The following PRIMA1 variants were observed in gnomAD, a reference collection of about 807,000 sequenced individuals.
The protein encoded by PRIMA1 is proline rich membrane anchor 1, also known as proline-rich membrane anchor 1.
In PRIMA1, 7 loss-of-function variants were observed where a neutral mutation model predicts 17.5. That is an observed-to-expected ratio of 0.40 (90% CI 0.23 to 0.75). The LOEUF is 0.75. Among genes scored for constraint, PRIMA1 ranks in the 30% least tolerant of loss-of-function variants. The pLI is 0.37. For synonymous variants in PRIMA1, 97 were observed against 77.9 expected, an observed-to-expected ratio of 1.25 and a Z score of -1.29; for missense variants, 200 against 201.8, an observed-to-expected ratio of 0.99 and a Z score of 0.05.
chr14:93,736,359 G>C (rs1279254096), intron 4 of PRIMA1, among the ~76,000 whole-genome samples: 1 of 152,250 alleles, frequency 6.6e-6, no homozygotes, highest in Non-Finnish European at 1.5e-5. Flanking sequence ...GGAAAATGTA[G>C]GTGGAGATGA....
At chr14:93,769,979 C>T (rs563358343) in intron 3 of PRIMA1, among the ~76,000 whole-genome samples, 1 of 152,122 alleles carries the variant, frequency 6.6e-6, no homozygotes, top group Non-Finnish European at 1.5e-5. Flanking sequence ...GGAGAGGGGG[C>T]GCCAAGTGAC....
chr14:93,737,794 G>A (rs969973694), intron 3 of PRIMA1, among the ~76,000 whole-genome samples: 7 of 152,204 alleles, frequency 4.6e-5, no homozygotes, highest in East Asian at 1.9e-4. Flanking sequence ...CTGCCCCGGC[G>A]TGCTCAGAGC....
At chr14:93,747,923 G>A (rs1384858777) in intron 3 of PRIMA1, among the ~76,000 whole-genome samples, 10 of 147,650 alleles carry the variant, frequency 6.8e-5, no homozygotes, top group Non-Finnish European at 7.5e-5. Context: ...GGACTGTGTG[G>A]AGTGTGATTA....
At chr14:93,774,925 C>A (rs558392163) in intron 3 of PRIMA1, among the ~76,000 whole-genome samples, 1 of 152,238 alleles carries the variant, frequency 6.6e-6, no homozygotes. Context: ...GGTTAACCGG[C>A]TCTCTTAAAA....
intron 3 of PRIMA1, among the ~76,000 whole-genome samples, chr14:93,769,454 G>A (rs1196044031): frequency 1.3e-5 from 2 of 152,160 alleles, no homozygotes; most frequent in African/African-American, 4.8e-5. Context: ...TCAACACCCC[G>A]AGGCCGGAAT....
intron 4 of PRIMA1, among the ~76,000 whole-genome samples, chr14:93,722,964 A>G (rs549982636): frequency 6.6e-6 from 1 of 152,162 alleles, no homozygotes; most frequent in South Asian, 2.1e-4. Context: ...TCCTACGCAT[A>G]TAAGGGATCA....
intron 3 of PRIMA1, among the ~76,000 whole-genome samples, chr14:93,774,958 C>T (rs953138412): frequency 1.3e-5 from 2 of 152,222 alleles, no homozygotes; most frequent in Non-Finnish European, 2.9e-5. Context: ...AAGAGCAGGG[C>T]TAGCACGCCA....
chr14:93,746,517 C>T (rs2076219278), intron 3 of PRIMA1, among the ~76,000 whole-genome samples: 1 of 151,836 alleles, frequency 6.6e-6, no homozygotes, highest in Admixed American at 6.6e-5. Flanking sequence ...GCCAGTGTGG[C>T]CTAGAGGGAG....
intron 3 of PRIMA1, among the ~76,000 whole-genome samples, chr14:93,754,442 G>A (rs189161858): frequency 6.6e-6 from 1 of 150,940 alleles, no homozygotes; most frequent in Admixed American, 6.6e-5. Flanking sequence ...ATGGTGGGGG[G>A]GGCCTTGACC....
At chr14:93,743,541 A>AC (rs1010546700) in intron 3 of PRIMA1, among the ~76,000 whole-genome samples, 1 of 151,776 alleles carries the variant, frequency 6.6e-6, no homozygotes, top group East Asian at 1.9e-4. Context: ...CTTGTCTAGG[A>AC]CCCCCCTGTG....
intron 3 of PRIMA1, among the ~76,000 whole-genome samples, chr14:93,748,114 GTGAA>G (rs1327570869): frequency 2.6e-5 from 4 of 152,070 alleles, no homozygotes. Flanking sequence ...GTGTATGTGT[GTGAA>G]TGAGTGTGCA....
intron 3 of PRIMA1, among the ~76,000 whole-genome samples, chr14:93,769,450 C>A (rs1884988517): frequency 6.6e-6 from 1 of 152,206 alleles, no homozygotes; most frequent in South Asian, 2.1e-4. Context: ...GCATTCAACA[C>A]CCCGAGGCCG....
Position 93,726,397 on chromosome 14 carries a change from C to T in PRIMA1, c.360-4851G>A, listed in dbSNP as rs907052508. Among the ~76,000 whole-genome samples the T allele has an allele frequency of 6.6e-6, 1 of 152,102 alleles. No homozygotes were observed. The highest frequency in any genetic ancestry group is 1.5e-5 in the Non-Finnish European group (1 of 68,018). ...GGAGGCTGTCTTCCTGCCTCATGCG[C>T]CCCTGGGAGAAGTGAAAGTTAAAGG... On this transcript the variant is annotated intron_variant, in intron 4 of 4. Transcript: ENST00000393140. The surrounding 1 kb of genome is among the most constrained non-coding windows in gnomAD (Gnocchi z 4.2).
At chr14:93,770,537 C>T (rs771816665) in intron 3 of PRIMA1, among the ~76,000 whole-genome samples, 5 of 152,208 alleles carry the variant, frequency 3.3e-5, no homozygotes, top group Non-Finnish European at 7.3e-5. Flanking sequence ...GATCTTCCTC[C>T]ACCAGCTATT....
intron 3 of PRIMA1, among the ~76,000 whole-genome samples, chr14:93,738,742 T>G (rs2076166602): frequency 6.6e-6 from 1 of 152,202 alleles, no homozygotes; most frequent in Admixed American, 6.5e-5. Context: ...GACAAATGCA[T>G]GCACCAGTGG....
At chr14:93,788,236 C>G (rs562289526) in intron 1 of PRIMA1, among the ~76,000 whole-genome samples, 174 bp downstream of exon 1, 6 of 152,328 alleles carry the variant, frequency 3.9e-5, no homozygotes, top group African/African-American at 1.4e-4. Flanking sequence ...CCCAAGAAAT[C>G]TCACGCTGCC....
chr14:93,778,518 G>A (rs185504343), intron 3 of PRIMA1, among the ~76,000 whole-genome samples: 2 of 152,324 alleles, frequency 1.3e-5, no homozygotes, highest in East Asian at 3.9e-4. Context: ...CCTATAGGTG[G>A]GAACTTGAAT....
At chr14:93,725,166 C>T (rs908077121) in intron 4 of PRIMA1, among the ~76,000 whole-genome samples, 2 of 152,268 alleles carry the variant, frequency 1.3e-5, no homozygotes, top group Non-Finnish European at 2.9e-5. Flanking sequence ...GACAGGAAAG[C>T]AGGCAGAGGG....
At chr14:93,734,075 ATATC>A (rs1482188982) in intron 4 of PRIMA1, among the ~76,000 whole-genome samples, 1 of 152,162 alleles carries the variant, frequency 6.6e-6, no homozygotes, top group African/African-American at 2.4e-5. Flanking sequence ...TTGTCATTAA[ATATC>A]TGTCTGCTGC....
Sources: allele counts gnomAD v4.1 joint callset (sites outside exome capture counted in the v4.1 genomes callset), GRCh38; gene constraint gnomAD v4.1.1; non-coding constraint Gnocchi (gnomAD v3.1); transcripts MANE v1.5; gene names NCBI Gene and HGNC (gene_info 2026-07-23, HGNC 2026-07-21).